Variants in PIR observed in about 807,000 individuals in gnomAD.
PIR encodes the protein pirin, also known as pirin (iron-binding nuclear protein).
Under a neutral mutation model 24.2 loss-of-function variants are expected in PIR, and 22 were observed. The ratio of observed to expected loss-of-function variants is 0.91; its 90% confidence interval spans 0.65 to 1.30. The LOEUF (loss-of-function observed/expected upper bound fraction) is 1.30, where lower values mean the gene tolerates loss of function less well. Ranked by LOEUF, PIR falls within the 50% of genes most tolerant of loss-of-function variation. The pLI is 0.00. For synonymous variants in PIR, 80 were observed against 79.6 expected, an observed-to-expected ratio of 1.00 and a Z score of -0.03; for missense variants, 220 against 220.3, an observed-to-expected ratio of 1.00 and a Z score of 0.01.
At chrX:15,481,867 T>A (rs1485866162) in intron 2 of PIR, among the ~76,000 whole-genome samples, 1 of 111,789 alleles carries the variant, frequency 8.9e-6, no homozygotes, top group Non-Finnish European at 1.9e-5. Flanking sequence ...CAGACTGCAA[T>A]TTCTCTGGGT....
chrX:15,488,037 G>C (rs1256614687), intron 2 of PIR, among the ~76,000 whole-genome samples: 3 of 110,792 alleles, frequency 2.7e-5, no homozygotes, highest in Non-Finnish European at 5.7e-5. Context: ...CCAGCACTTT[G>C]GGAGGCCGAG....
At chrX:15,485,051 C>T (rs1922738424) in intron 2 of PIR, among the ~76,000 whole-genome samples, 2 of 112,022 alleles carry the variant, frequency 1.8e-5, no homozygotes, top group African/African-American at 6.5e-5. Flanking sequence ...ACCATTTCAC[C>T]ATTTAATAAG....
At chrX:15,390,149 A>T (rs1262388812) in intron 9 of PIR, 36 bp downstream of exon 9, 1 of 879,975 alleles carries the variant, frequency 1.1e-6, no homozygotes, top group East Asian at 3.3e-5. Flanking sequence ...AGAAAAGGAA[A>T]ATCAACCAAG....
At chrX:15,440,485 T>C (rs916800695) in intron 5 of PIR, among the ~76,000 whole-genome samples, 36 of 110,598 alleles carry the variant, frequency 3.3e-4, no homozygotes, top group African/African-American at 1.1e-3. Context: ...ATGGAATAAA[T>C]ACTAGGAATG....
intron 6 of PIR, among the ~76,000 whole-genome samples, chrX:15,410,396 A>G (rs1924703339): frequency 8.9e-6 from 1 of 112,417 alleles, no homozygotes; most frequent in Admixed American, 9.4e-5. Context: ...GACATGTCAT[A>G]ATTTATACAA....
At chrX:15,487,187 G>A (rs956180216) in intron 2 of PIR, among the ~76,000 whole-genome samples, 2 of 111,940 alleles carry the variant, frequency 1.8e-5, no homozygotes, top group African/African-American at 6.5e-5. Context: ...TGACTATATG[G>A]CCCACTTCCT....
chrX:15,431,798 G>GT (rs1256456514), intron 5 of PIR, among the ~76,000 whole-genome samples: 1 of 108,505 alleles, frequency 9.2e-6, no homozygotes, highest in Non-Finnish European at 1.9e-5. Flanking sequence ...ACATCTAGCA[G>GT]TATCTGTTCT....
At chrX:15,485,471 T>C (rs182327502) in intron 2 of PIR, among the ~76,000 whole-genome samples, 118 of 111,710 alleles carry the variant, frequency 1.1e-3, no homozygotes, top group African/African-American at 3.6e-3. Context: ...GGTTTCATGA[T>C]AGGAATTAGG....
In PIR at chrX:15,425,411, C is replaced by CTT. The variant is rs756160029; in HGVS notation, c.565+493_565+494dup. 3.2e-3 allele frequency among the ~76,000 whole-genome samples: 293 copies of CTT among 92,085 alleles called. 3 individuals carry two copies. Among genetic ancestry groups the CTT allele is most frequent in the African/African-American group, 0.012 (271 of 23,563 alleles). The allele number at this position is 92,085 out of a possible 115,157, so 80.0% of individuals were successfully genotyped here. On this transcript the variant is annotated intron_variant, in intron 6 of 9. Coordinates refer to ENST00000380420, the MANE Select transcript of PIR (RefSeq NM_001018109.3). Reference sequence around the variant, plus strand: ...CTTTCTGATTTTCTTTTCTTTCTTTCTTTTTTTTTTTTTTTTTTGAGATGG... The same window carrying CTT: ...CTTTCTGATTTTCTTTTCTTTCTTTCTTTTTTTTTTTTTTTTTTTTGAGATGG...
intron 5 of PIR, among the ~76,000 whole-genome samples, chrX:15,443,294 GA>G (rs36085881): frequency 9.1e-6 from 1 of 109,517 alleles, no homozygotes; most frequent in Non-Finnish European, 1.9e-5. Flanking sequence ...CTACTATTCA[GA>G]AAAAAAAATA....
chrX:15,454,488 C>A (rs866951058), intron 5 of PIR, among the ~76,000 whole-genome samples: 52 of 98,151 alleles, frequency 5.3e-4, no homozygotes, highest in South Asian at 3.3e-3. Flanking sequence ...AAAAAAAAAA[C>A]AAAAAAACAA....
chrX:15,393,862 T>G (rs1228194962), intron 8 of PIR, among the ~76,000 whole-genome samples: 2 of 106,113 alleles, frequency 1.9e-5, no homozygotes, highest in African/African-American at 6.9e-5. Flanking sequence ...ACCATCTAGT[T>G]GCAGGAAAAC....
chrX:15,478,024 CCA>C (rs1491494587), intron 3 of PIR, among the ~76,000 whole-genome samples: 31 of 52,928 alleles, frequency 5.9e-4, no homozygotes, highest in African/African-American at 2.5e-3. Context: ...TCCCCCCCCC[CCA>C]GAAAGCATTT....
At chrX:15,473,018 A>G (rs1165135531) in intron 3 of PIR, among the ~76,000 whole-genome samples, 2 of 112,588 alleles carry the variant, frequency 1.8e-5, no homozygotes, top group Non-Finnish European at 3.7e-5. Context: ...ATGCTACACT[A>G]TGCCACAAGA....
rs181609195 is a variant in PIR at position 15,472,261 on chromosome X, G to A, written c.189+7468C>T. ...TTCTAAAGGTACAAAGAGAAAAAAA[G>A]GGTTCAGCGAAAACCAATAATCTTG... On this transcript the variant is annotated intron_variant, in intron 3 of 9. Coordinates refer to ENST00000380420, the MANE Select transcript of PIR (RefSeq NM_001018109.3). 3.9e-3 allele frequency among the ~76,000 whole-genome samples: 438 copies of A among 112,175 alleles called. 2 individuals are homozygous for A. Among genetic ancestry groups the A allele is most frequent in the African/African-American group, 0.014 (425 of 30,884 alleles).
intron 7 of PIR, among the ~76,000 whole-genome samples, chrX:15,404,922 C>T (rs1924507736): frequency 9.0e-6 from 1 of 111,309 alleles, no homozygotes; most frequent in Non-Finnish European, 1.9e-5. Context: ...CAACTTTGCT[C>T]CAAGGCTACA....
At chrX:15,453,673 T>G (rs1920990997) in intron 5 of PIR, among the ~76,000 whole-genome samples, 1 of 112,678 alleles carries the variant, frequency 8.9e-6, no homozygotes, top group Non-Finnish European at 1.9e-5. Flanking sequence ...TGGCAGGTAC[T>G]AAGACATTAT....
chrX:15,410,232 C>T (rs1304497156), intron 6 of PIR, among the ~76,000 whole-genome samples: 1 of 110,536 alleles, frequency 9.0e-6, no homozygotes, highest in African/African-American at 3.3e-5. Context: ...GCCTGGGCGA[C>T]AGAGCAAGAC....
chrX:15,475,736 A>G (rs909024086), intron 3 of PIR, among the ~76,000 whole-genome samples: 3 of 111,839 alleles, frequency 2.7e-5, no homozygotes, highest in Admixed American at 1.9e-4. Flanking sequence ...TCACAATATC[A>G]GGCCTGACCA....
Sources: allele counts gnomAD v4.1 joint callset (sites outside exome capture counted in the v4.1 genomes callset), GRCh38; gene constraint gnomAD v4.1.1; transcripts MANE v1.5; gene names NCBI Gene and HGNC (gene_info 2026-07-23, HGNC 2026-07-21).